The following CIMAP2 variants were observed in gnomAD, a reference collection of about 807,000 sequenced individuals.
The protein encoded by CIMAP2 is ciliary microtubule associated protein 2.
chr1:54,808,612 C>CGGGCG, the CIMAP2 span, among the ~76,000 whole-genome samples: 1 of 67,344 alleles, frequency 1.5e-5, no homozygotes, highest in South Asian at 5.9e-4. Context: ...CAGGTGCTGC[C>CGGGCG]GGGGGAGGGC....
At chr1:54,813,792 C>T in the CIMAP2 span, 19 of 1,582,098 alleles carry the variant, frequency 1.2e-5, no homozygotes, top group Non-Finnish European at 1.6e-5. Context: ...ATAGCAGATT[C>T]CTTTTTCTCT....
chr1:54,810,206 C>G, the CIMAP2 span, among the ~76,000 whole-genome samples: 1 of 152,186 alleles, frequency 6.6e-6, no homozygotes, highest in Non-Finnish European at 1.5e-5. Context: ...CACCCCGGTG[C>G]CTTCCACAGA....
chr1:54,829,783 G>A, the CIMAP2 span, among the ~76,000 whole-genome samples: 5 of 151,966 alleles, frequency 3.3e-5, no homozygotes, highest in Non-Finnish European at 4.4e-5. Flanking sequence ...CTCATCTTTC[G>A]AAGATATTAA....
the CIMAP2 span, among the ~76,000 whole-genome samples, chr1:54,810,814 G>T: frequency 2.0e-5 from 3 of 152,128 alleles, no homozygotes; most frequent in Admixed American, 6.5e-5. Flanking sequence ...CTCCTGCCCC[G>T]CAAGGCATTC....
chr1:54,811,765 G>GCCGGGGGGGGGGCGCGCCCCCCCCC, the CIMAP2 span: 1 of 1,301,330 alleles, frequency 7.7e-7, no homozygotes, highest in African/African-American at 1.5e-5. Context: ...GGTTCTGACA[G>GCCGGGGGGGGGGCGCGCCCCCCCCC]CCTCCATGCC....
At chr1:54,836,584 G>A in the CIMAP2 span, among the ~76,000 whole-genome samples, 1 of 147,910 alleles carries the variant, frequency 6.8e-6, no homozygotes, top group Non-Finnish European at 1.5e-5. Context: ...ACATTTGCTA[G>A]GGGTCAGAAC....
the CIMAP2 span, chr1:54,813,715 G>A: frequency 5.2e-6 from 7 of 1,340,322 alleles, no homozygotes; most frequent in Non-Finnish European, 6.1e-6. Context: ...AGGATAGTAA[G>A]TGATGCCCCA....
At chr1:54,813,871 C>A in the CIMAP2 span, 1 of 1,613,860 alleles carries the variant, frequency 6.2e-7, no homozygotes, top group Non-Finnish European at 8.5e-7. Context: ...ACTTAACTCA[C>A]ATCACAATAA....
chr1:54,809,912 T>C, the CIMAP2 span, among the ~76,000 whole-genome samples: 3 of 150,788 alleles, frequency 2.0e-5, no homozygotes, highest in Non-Finnish European at 4.4e-5. Context: ...TTAAAAGTGA[T>C]GATTCATTCA....
the CIMAP2 span, chr1:54,814,879 C>G: frequency 1.7e-5 from 28 of 1,613,168 alleles, no homozygotes; most frequent in Non-Finnish European, 1.8e-5. Flanking sequence ...CTGCCAGAGC[C>G]TCTCCAGATT....
the CIMAP2 span, among the ~76,000 whole-genome samples, chr1:54,810,451 G>T: frequency 1.3e-5 from 2 of 152,144 alleles, no homozygotes. Flanking sequence ...TATCCTTGGG[G>T]GCTTTCTCCA....
chr1:54,808,391 T>C, the CIMAP2 span, among the ~76,000 whole-genome samples: 1 of 152,036 alleles, frequency 6.6e-6, no homozygotes, highest in African/African-American at 2.4e-5. Flanking sequence ...AACGGAGACT[T>C]GCAATGTCTG....
chr1:54,828,539 C>T, the CIMAP2 span, among the ~76,000 whole-genome samples: 55 of 152,254 alleles, frequency 3.6e-4, no homozygotes, highest in African/African-American at 1.3e-3. Flanking sequence ...ACTGTGTTGC[C>T]CAGGCTGGTC....
At chr1:54,834,125 A>G in the CIMAP2 span, among the ~76,000 whole-genome samples, 1 of 152,336 alleles carries the variant, frequency 6.6e-6, no homozygotes, top group South Asian at 2.1e-4. Context: ...GGGGTAAGCC[A>G]CCATGCCTGG....
the CIMAP2 span, among the ~76,000 whole-genome samples, chr1:54,839,476 C>G: frequency 6.6e-6 from 1 of 151,930 alleles, no homozygotes; most frequent in African/African-American, 2.4e-5. Flanking sequence ...CTCCTGGGTT[C>G]AAGCGATTCT....
the CIMAP2 span, among the ~76,000 whole-genome samples, chr1:54,825,339 C>T: frequency 0.2 from 30,199 of 151,834 alleles, 3,935 homozygotes; most frequent in African/African-American, 0.36. Context: ...GTGTGAGCCA[C>T]CACGCCCGGT....
At chr1:54,807,966 G>A in the CIMAP2 span, 2 of 1,607,002 alleles carry the variant, frequency 1.2e-6, no homozygotes, top group Non-Finnish European at 8.5e-7. Context: ...GTAGCACCCG[G>A]GGGCTGCTCA....
the CIMAP2 span, chr1:54,811,767 C>CGGGGGGGGGGGGGGGCG: frequency 9.2e-7 from 1 of 1,088,168 alleles, no homozygotes; most frequent in Non-Finnish European, 1.4e-6. Context: ...TTCTGACAGC[C>CGGGGGGGGGGGGGGGCG]TCCATGCCCC....
At chr1:54,829,560 A>G in the CIMAP2 span, among the ~76,000 whole-genome samples, 2 of 152,216 alleles carry the variant, frequency 1.3e-5, no homozygotes, top group African/African-American at 4.8e-5. Context: ...TGACTGATTC[A>G]TTTGAAAAAC....
Sources: gnomAD v4.1 joint callset for allele counts (sites outside exome capture counted in the v4.1 genomes callset) on GRCh38, gnomAD v4.1.1 for gene constraint, MANE v1.5 for transcripts, NCBI Gene and HGNC (gene_info 2026-07-23, HGNC 2026-07-21) for gene names.